CDYL2: variants seen among roughly 807,000 people sequenced by gnomAD.
CDYL2 encodes the protein chromodomain Y-like protein 2.
In CDYL2, 23 loss-of-function variants were observed where a neutral mutation model predicts 49.4. The ratio of observed to expected loss-of-function variants is 0.47; its 90% CI spans 0.34 to 0.66. CDYL2 has a LOEUF of 0.66. Among genes scored for constraint, CDYL2 ranks in the 30% least tolerant of loss-of-function variants. CDYL2 has a pLI of 0.01. For synonymous variants in CDYL2, 360 were observed against 268.8 expected (o/e 1.34, Z -3.32); for missense variants, 678 against 656.4 (o/e 1.03, Z -0.36).
At chr16:80,620,963 T>A in intron 3 of CDYL2, 28 bp from the exon 4 acceptor site, 2 of 1,564,692 alleles carry the variant, frequency 1.3e-6, no homozygotes, top group African/African-American at 1.4e-5. Flanking sequence ...TTTGCAGGGA[T>A]GTTAAGTGTC....
chr16:80,659,079 GGA>G (rs1908930320), intron 2 of CDYL2, among the ~76,000 whole-genome samples: 1 of 150,646 alleles, frequency 6.6e-6, no homozygotes, highest in Non-Finnish European at 1.5e-5. Context: ...ATGGATGGAT[GGA>G]TGGATGGATG....
Position 80,599,905 on chromosome 16 carries a change from A to G in CDYL2, c.*4483T>C, listed in dbSNP as rs1906006779. On this transcript the variant is annotated 3_prime_UTR_variant, in exon 7 of 7. Coordinates refer to ENST00000570137, the MANE Select transcript of CDYL2 (RefSeq NM_152342.4). ...AGGTGTCTATCTGGTCCCTGCCGCC[A>G]TCAACTCAATCAAACTCTTCGGATT... 1 of 152,200 alleles carries G rather than the reference A, an allele frequency of 6.6e-6. No individual in the cohort carries two copies. Among genetic ancestry groups the G allele is most frequent in the Non-Finnish European group, 1.5e-5 (1 of 68,030 alleles). 9.4% of individuals were successfully genotyped at this position (152,200 alleles called of 1,614,324 possible).
intron 6 of CDYL2, among the ~76,000 whole-genome samples, chr16:80,605,926 T>G (rs1486284016): frequency 6.6e-6 from 1 of 152,242 alleles, no homozygotes; most frequent in African/African-American, 2.4e-5. Flanking sequence ...CAGGGCTGCC[T>G]GACCACTCAT....
chr16:80,606,222 G>A (rs960753732), intron 6 of CDYL2, among the ~76,000 whole-genome samples: 2 of 152,196 alleles, frequency 1.3e-5, no homozygotes, highest in African/African-American at 4.8e-5. Context: ...GAATGGCCTC[G>A]AAGAGCACCG....
chr16:80,774,686 T>C (rs1451004913), intron 1 of CDYL2, among the ~76,000 whole-genome samples: 2 of 152,092 alleles, frequency 1.3e-5, no homozygotes, highest in East Asian at 3.9e-4. Context: ...TTATTTCAAT[T>C]AAAAATAAAA....
intron 3 of CDYL2, chr16:80,632,794 T>G: frequency 2.0e-6 from 1 of 505,626 alleles, no homozygotes; most frequent in Admixed American, 3.2e-5. Context: ...CCTCTCCCCA[T>G]GGTCTTCATC....
intron 1 of CDYL2, among the ~76,000 whole-genome samples, chr16:80,788,832 T>C (rs954999490): frequency 3.3e-5 from 5 of 152,180 alleles, no homozygotes; most frequent in Non-Finnish European, 7.3e-5. Context: ...CTATTATTAC[T>C]GTTTTTATTA....
At chr16:80,786,478 G>C (rs1030304191) in intron 1 of CDYL2, among the ~76,000 whole-genome samples, 1 of 152,212 alleles carries the variant, frequency 6.6e-6, no homozygotes, top group Non-Finnish European at 1.5e-5. Flanking sequence ...ATGCTGGAGA[G>C]GTTGTGGAAA....
chr16:80,711,377 C>T (rs1293304834), intron 1 of CDYL2, among the ~76,000 whole-genome samples: 2 of 152,198 alleles, frequency 1.3e-5, no homozygotes, highest in Non-Finnish European at 2.9e-5. Context: ...CAGACGTTGA[C>T]AGCTTGTGGA....
intron 1 of CDYL2, among the ~76,000 whole-genome samples, chr16:80,700,901 C>A (rs10871395): frequency 0.49 from 74,763 of 152,122 alleles, 19,863 homozygotes; most frequent in Middle Eastern, 0.67. Flanking sequence ...TTCCCTGCCA[C>A]AGCAACAGAG....
At chr16:80,661,116 C>G (rs1567560063) in intron 2 of CDYL2, among the ~76,000 whole-genome samples, 1 of 152,164 alleles carries the variant, frequency 6.6e-6, no homozygotes, top group Non-Finnish European at 1.5e-5. Flanking sequence ...TGTCCAAGTT[C>G]TCCACCAAGA....
chr16:80,715,427 C>T (rs1295572454), intron 1 of CDYL2, among the ~76,000 whole-genome samples: 1 of 152,156 alleles, frequency 6.6e-6, no homozygotes, highest in African/African-American at 2.4e-5. Flanking sequence ...GGGCCCTCAT[C>T]CTTACCTCCA....
chr16:80,796,151 C>T (rs1026698089), intron 1 of CDYL2, among the ~76,000 whole-genome samples: 17 of 152,206 alleles, frequency 1.1e-4, no homozygotes, highest in Admixed American at 3.3e-4. Flanking sequence ...TCAGGAAGAG[C>T]AAGTGGGAAT....
intron 1 of CDYL2, among the ~76,000 whole-genome samples, chr16:80,689,194 T>C (rs535321723): frequency 5.9e-5 from 9 of 152,208 alleles, no homozygotes; most frequent in Non-Finnish European, 1.3e-4. Context: ...AATCAAATCA[T>C]TCATTAACAT....
At chr16:80,692,007 A>C (rs954513924) in intron 1 of CDYL2, among the ~76,000 whole-genome samples, 1 of 152,208 alleles carries the variant, frequency 6.6e-6, no homozygotes, top group Admixed American at 6.5e-5. Flanking sequence ...GCAGGAAAAA[A>C]GGACACAGAA....
chr16:80,675,202 T>G (rs1909693337), intron 2 of CDYL2, among the ~76,000 whole-genome samples: 1 of 152,146 alleles, frequency 6.6e-6, no homozygotes, highest in Non-Finnish European at 1.5e-5. Context: ...TGAAGTACCT[T>G]TCTTCATTTA....
intron 1 of CDYL2, among the ~76,000 whole-genome samples, chr16:80,778,074 C>G (rs1224268945): frequency 6.6e-6 from 1 of 151,826 alleles, no homozygotes; most frequent in Non-Finnish European, 1.5e-5. Flanking sequence ...ACGATCACTC[C>G]AGTAAGTATC....
chr16:80,681,983 C>G (rs1303687971), intron 2 of CDYL2, among the ~76,000 whole-genome samples: 4 of 152,320 alleles, frequency 2.6e-5, no homozygotes, highest in South Asian at 2.1e-4. Flanking sequence ...TCCCACCCCC[C>G]ACACATTTGG....
chr16:80,752,506 C>A (rs1906171125), intron 1 of CDYL2, among the ~76,000 whole-genome samples: 2 of 151,930 alleles, frequency 1.3e-5, no homozygotes, highest in African/African-American at 4.8e-5. Flanking sequence ...TGAAAAGTAC[C>A]CAGATAAGAA....
Sources: allele counts gnomAD v4.1 joint callset (sites outside exome capture counted in the v4.1 genomes callset), GRCh38; gene constraint gnomAD v4.1.1; transcripts MANE v1.5; gene names NCBI Gene and HGNC (gene_info 2026-07-23, HGNC 2026-07-21).